TUSC3: variants seen among roughly 807,000 people sequenced by gnomAD.
TUSC3 encodes tumor suppressor candidate 3.
TUSC3 carries 45 observed loss-of-function variants against 44.8 expected under a neutral mutation model. The ratio of observed to expected loss-of-function variants is 1.00; its 90% CI spans 0.79 to 1.29. The LOEUF is 1.29. Ranked by LOEUF, TUSC3 falls within the 50% of genes most tolerant of loss-of-function variation. The probability of loss-of-function intolerance (pLI) is 0.00; values close to 1 mark genes in which losing one functional copy is unlikely to be tolerated. For synonymous variants in TUSC3, 212 were observed against 152.9 expected (o/e 1.39, Z -2.85); for missense variants, 519 against 437.9 (o/e 1.19, Z -1.65).
intron 2 of TUSC3, among the ~76,000 whole-genome samples, chr8:15,529,783 A>G (rs1467791837): frequency 7.3e-6 from 1 of 137,214 alleles, no homozygotes; most frequent in Non-Finnish European, 1.5e-5. Flanking sequence ...TAATTCTGTG[A>G]AAAAGTTTTT....
chr8:15,673,497 T>A (rs1449341134), intron 5 of TUSC3, among the ~76,000 whole-genome samples: 1 of 152,094 alleles, frequency 6.6e-6, no homozygotes, highest in Non-Finnish European at 1.5e-5. Flanking sequence ...TTACATATGT[T>A]ATCCGATGTA....
the TUSC3 span, among the ~76,000 whole-genome samples, chr8:15,845,203 G>T: frequency 1.3e-5 from 2 of 152,094 alleles, no homozygotes; most frequent in African/African-American, 2.4e-5. Flanking sequence ...AGTTTGAGTG[G>T]TAAGTCTAAT....
intron 2 of TUSC3, among the ~76,000 whole-genome samples, chr8:15,507,598 AG>A (rs1346426298): frequency 5.4e-4 from 83 of 152,318 alleles, no homozygotes; most frequent in Non-Finnish European, 2.8e-4. Context: ...TAAAGTCAAA[AG>A]AATCTATAAA....
At chr8:15,672,340 A>C (rs952242159) in intron 5 of TUSC3, among the ~76,000 whole-genome samples, 9 of 152,052 alleles carry the variant, frequency 5.9e-5, no homozygotes, top group Non-Finnish European at 1.2e-4. Context: ...TCCTCATGCT[A>C]TAGACAGGAA....
At chr8:15,801,507 GA>G in the TUSC3 span, among the ~76,000 whole-genome samples, 7,317 of 150,334 alleles carry the variant, frequency 0.049, 203 homozygotes, top group African/African-American at 0.074. Context: ...GTAGCCTTGA[GA>G]AAAAAAAAGA....
intron 2 of TUSC3, chr8:15,483,604 G>T (rs191809097): frequency 6.7e-6 from 1 of 149,934 alleles, no homozygotes; most frequent in African/African-American, 2.5e-5. Flanking sequence ...CTCCCAAAGT[G>T]CTGGGATTAC....
At chr8:15,817,807 T>C in the TUSC3 span, among the ~76,000 whole-genome samples, 4 of 152,282 alleles carry the variant, frequency 2.6e-5, no homozygotes, top group African/African-American at 9.6e-5. Flanking sequence ...GTGTTGGTCC[T>C]AGTAAAGATC....
chr8:15,592,566 A>T (rs1016986540), intron 1 of TUSC3, among the ~76,000 whole-genome samples: 4 of 152,072 alleles, frequency 2.6e-5, no homozygotes, highest in Non-Finnish European at 4.4e-5. Flanking sequence ...GCTCGCTCTC[A>T]CCATGTGATA....
At chr8:15,832,067 G>A in the TUSC3 span, among the ~76,000 whole-genome samples, 1,649 of 152,218 alleles carry the variant, frequency 0.011, 37 homozygotes, top group African/African-American at 0.037. Context: ...ACCTACAAAC[G>A]GAAGCCCATC....
chr8:15,810,070 G>A, the TUSC3 span, among the ~76,000 whole-genome samples: 1 of 152,072 alleles, frequency 6.6e-6, no homozygotes, highest in Admixed American at 6.6e-5. Context: ...CACGCTTTTG[G>A]TAGCAAGCCG....
intron 10 of TUSC3, among the ~76,000 whole-genome samples, chr8:15,760,078 A>G (rs1812109308): frequency 6.6e-6 from 1 of 152,084 alleles, no homozygotes; most frequent in Admixed American, 6.6e-5. Context: ...ATAATACATC[A>G]CTTATTGTAG....
intron 2 of TUSC3, among the ~76,000 whole-genome samples, chr8:15,507,262 T>G (rs980740672): frequency 1.3e-5 from 2 of 152,240 alleles, no homozygotes; most frequent in African/African-American, 4.8e-5. Context: ...TGGTTTGTCC[T>G]GTTGCATATT....
In TUSC3 at chr8:15,509,607, C is replaced by CA. The variant is rs567695312; in HGVS notation, n.189+26135dup. 2.3e-3 allele frequency among the ~76,000 whole-genome samples: 335 copies of CA among 144,352 alleles called. 3 individuals carry two copies. Among genetic ancestry groups the CA allele is most frequent in the East Asian group, 4.2e-3 (21 of 4,990 alleles). 94.7% of individuals were successfully genotyped at this position (144,352 alleles called of 152,430 possible). On this transcript the variant is annotated intron_variant and non_coding_transcript_variant, in intron 2 of 5. Coordinates refer to the TUSC3 transcript ENST00000503191. ...TGGGAGACAGAGTGAGACACCATCT[C>CA]AAAAAAAAAAATCATAATAAAATAG...
chr8:15,445,909 G>A (rs1406720061), intron 1 of TUSC3, among the ~76,000 whole-genome samples: 1 of 150,854 alleles, frequency 6.6e-6, no homozygotes, highest in Non-Finnish European at 1.5e-5. Context: ...CCGGGCGGAG[G>A]CGCCCCCCAC....
At chr8:15,662,386 T>C in intron 5 of TUSC3, 90 bp downstream of exon 5, 2 of 1,553,794 alleles carry the variant, frequency 1.3e-6, no homozygotes, top group Non-Finnish European at 1.8e-6. Context: ...CAGATATAAC[T>C]ATAATAGAAC....
chr8:15,747,164 A>G (rs1421243), intron 8 of TUSC3, among the ~76,000 whole-genome samples: 60,329 of 151,880 alleles, frequency 0.4, 12,414 homozygotes, highest in East Asian at 0.66. Context: ...TATGTACTCC[A>G]TGATTGCCAG....
intron 1 of TUSC3, among the ~76,000 whole-genome samples, chr8:15,607,641 C>T (rs1299522397): frequency 6.6e-6 from 1 of 152,078 alleles, no homozygotes; most frequent in Non-Finnish European, 1.5e-5. Context: ...CCACAATTAA[C>T]AATTGACTGT....
At chr8:15,669,379 G>A (rs1381482273) in intron 5 of TUSC3, among the ~76,000 whole-genome samples, 1 of 151,750 alleles carries the variant, frequency 6.6e-6, no homozygotes, top group Non-Finnish European at 1.5e-5. Flanking sequence ...AAGAGGAAGT[G>A]CCTCTATTGT....
intron 1 of TUSC3, among the ~76,000 whole-genome samples, chr8:15,548,865 T>C (rs10112619): frequency 0.2 from 30,327 of 151,552 alleles, 3,458 homozygotes; most frequent in Middle Eastern, 0.26. Flanking sequence ...TAGGAGATTG[T>C]TGAGGTACAT....
Sources: gnomAD v4.1 joint callset for allele counts (sites outside exome capture counted in the v4.1 genomes callset) on GRCh38, gnomAD v4.1.1 for gene constraint, MANE v1.5 for transcripts, NCBI Gene and HGNC (gene_info 2026-07-23, HGNC 2026-07-21) for gene names.